Variants in ZNF121 observed in about 807,000 individuals in gnomAD.
ZNF121 encodes zinc finger protein 121 (clone ZHC32).
Under a neutral mutation model 2.4 loss-of-function variants are expected in ZNF121, and 1 was observed. The observed-to-expected ratio is 0.41, with a 90% CI of 0.15 to 1.94. The LOEUF (loss-of-function observed/expected upper bound fraction) is 1.94, where lower values mean the gene tolerates loss of function less well. Ranked by LOEUF, ZNF121 falls within the 30% of genes most tolerant of loss-of-function variation. The probability of loss-of-function intolerance (pLI) is 0.30; values close to 1 mark genes in which losing one functional copy is unlikely to be tolerated. For missense variants in ZNF121, 369 were observed against 466.3 expected, an observed-to-expected ratio of 0.79 and a Z score of 1.92; for synonymous variants, 173 against 158.6, an observed-to-expected ratio of 1.09 and a Z score of -0.68.
intron 1 of ZNF121, among the ~76,000 whole-genome samples, chr19:9,574,356 G>T (rs1047640757): frequency 6.6e-6 from 1 of 151,784 alleles, no homozygotes; most frequent in Non-Finnish European, 1.5e-5. Flanking sequence ...GGTTTTCATC[G>T]TGTTAGTCAG....
intron 1 of ZNF121, among the ~76,000 whole-genome samples, chr19:9,582,142 C>G (rs936294295): frequency 6.6e-6 from 1 of 152,074 alleles, no homozygotes; most frequent in South Asian, 2.1e-4. Context: ...CTTGTCTCTA[C>G]TAAAATACAA....
chr19:9,575,596 A>G (rs1000574318), intron 1 of ZNF121, among the ~76,000 whole-genome samples: 4 of 152,002 alleles, frequency 2.6e-5, no homozygotes, highest in Non-Finnish European at 5.9e-5. Context: ...TACAAAAATT[A>G]GCCGGGTGTG....
intron 1 of ZNF121, among the ~76,000 whole-genome samples, chr19:9,583,420 G>A (rs2074262358): frequency 6.7e-6 from 1 of 149,014 alleles, no homozygotes; most frequent in Admixed American, 6.7e-5. Flanking sequence ...CGGCCTCTCA[G>A]GTTCAAGCAA....
At chr19:9,581,501 C>G (rs936565328) in intron 1 of ZNF121, among the ~76,000 whole-genome samples, 5 of 151,972 alleles carry the variant, frequency 3.3e-5, no homozygotes, top group African/African-American at 9.7e-5. Flanking sequence ...ACTGATAACG[C>G]TTTGTACTGT....
chr19:9,574,144 A>G (rs573272511), intron 1 of ZNF121, among the ~76,000 whole-genome samples: 1 of 151,402 alleles, frequency 6.6e-6, no homozygotes, highest in East Asian at 1.9e-4. Flanking sequence ...GGCCATTTTA[A>G]TTTATTTATA....
At position 9,562,886 on chromosome 19, in the gene ZNF121, TAAAAAAAAAAA is replaced by T. The variant is rs56681222; in HGVS notation, c.*3043_*3053del. 9 of 97,392 alleles carry T rather than the reference TAAAAAAAAAAA, an allele frequency of 9.2e-5. No individual in the cohort carries two copies. The East Asian group carries it at 1.5e-3, about 16-fold the overall frequency. 6.0% of individuals were successfully genotyped at this position (97,392 alleles called of 1,614,324 possible). ...GGTAAACAGTAAAGTCCTGCCTCTTTAAAAAAAAAAAAAAAAAAAAAAAAAAATTAGCTGGC... is the reference window on the plus strand; with the variant it reads ...GGTAAACAGTAAAGTCCTGCCTCTTTAAAAAAAAAAAAAAAATTAGCTGGC... On this transcript the variant is annotated 3_prime_UTR_variant, in exon 4 of 4. Transcript: ENST00000320451.
At chr19:9,580,448 A>G (rs2074240803) in intron 1 of ZNF121, among the ~76,000 whole-genome samples, 2 of 151,784 alleles carry the variant, frequency 1.3e-5, no homozygotes, top group Non-Finnish European at 2.9e-5. Context: ...TGATTATGCC[A>G]TTGCCCTCCA....
intron 1 of ZNF121, among the ~76,000 whole-genome samples, chr19:9,572,014 G>C (rs150922655): frequency 1.3e-5 from 2 of 152,012 alleles, no homozygotes; most frequent in Non-Finnish European, 2.9e-5. Context: ...ATCCTCCCAC[G>C]TCAGCCTCCC....
chr19:9,574,274 T>C (rs1192464788), intron 1 of ZNF121, among the ~76,000 whole-genome samples: 2 of 152,220 alleles, frequency 1.3e-5, no homozygotes, highest in East Asian at 3.9e-4. Flanking sequence ...GCCTCCCTAG[T>C]ACCTGGGATT....
At chr19:9,581,753 A>G (rs1332947437) in intron 1 of ZNF121, among the ~76,000 whole-genome samples, 2 of 152,224 alleles carry the variant, frequency 1.3e-5, no homozygotes, top group African/African-American at 4.8e-5. Flanking sequence ...CTTAAACCCA[A>G]AAACATCCAA....
intron 1 of ZNF121, among the ~76,000 whole-genome samples, chr19:9,574,027 C>CTT (rs60923401): frequency 2.9e-5 from 4 of 139,916 alleles, no homozygotes; most frequent in Non-Finnish European, 4.7e-5. Context: ...TTCTTTCTTT[C>CTT]TTTTTTTTTT....
intron 1 of ZNF121, among the ~76,000 whole-genome samples, chr19:9,578,482 T>C (rs538170955): frequency 6.6e-5 from 10 of 151,670 alleles, no homozygotes; most frequent in Non-Finnish European, 1.2e-4. Flanking sequence ...CAAATCAGCA[T>C]GGTACTGACA....
At chr19:9,574,971 T>C (rs1008943385) in intron 1 of ZNF121, among the ~76,000 whole-genome samples, 74 of 152,236 alleles carry the variant, frequency 4.9e-4, no homozygotes, top group African/African-American at 1.8e-3. Context: ...CTTTACTTTT[T>C]ACAACCAAGT....
rs1443773437 is a variant in ZNF121 at position 9,563,709 on chromosome 19, G to A, written c.*2231C>T. ...CAAAGCACTGGAATTACAGGTGTAA[G>A]CCACTTTTCCCAGCCTGGGCTGGCT... is the stretch of plus-strand genomic sequence containing the variant. On this transcript the variant is annotated 3_prime_UTR_variant, in exon 4 of 4. Transcript: ENST00000320451. 6.6e-6 allele frequency: 1 copy of A among 152,242 alleles called. No homozygotes were observed. Among genetic ancestry groups the A allele is most frequent in the Non-Finnish European group, 1.5e-5 (1 of 68,048 alleles). The allele number at this position is 152,242 out of a possible 1,614,324, so 9.4% of individuals were successfully genotyped here.
At position 9,562,471 on chromosome 19, in the gene ZNF121, G is replaced by T; in HGVS notation, c.*3469C>A. ...GAGCCACCGTGCCCGGCTGCTCTGT[G>T]ATCTTTGATGTTCCTATTTTAATTG... On this transcript the variant is annotated 3_prime_UTR_variant, in exon 4 of 4. Transcript: ENST00000320451. 1 of 229,398 alleles carries T rather than the reference G, an allele frequency of 4.4e-6. No homozygotes were observed. The highest frequency in any genetic ancestry group is 9.7e-6 in the Non-Finnish European group (1 of 103,596). 14.2% of individuals were successfully genotyped at this position (229,398 alleles called of 1,614,324 possible). A position where few individuals can be genotyped will look rare whatever the true frequency, so the allele number is the denominator to read the frequency against.
Position 9,565,863 on chromosome 19 carries a change from T to C in ZNF121, c.*77A>G. The C allele has an allele frequency of 8.5e-7, 1 of 1,179,740 alleles. No homozygotes were observed. The highest frequency in any genetic ancestry group is 1.2e-6 in the Non-Finnish European group (1 of 856,206). 73.1% of individuals were successfully genotyped at this position (1,179,740 alleles called of 1,614,324 possible). A position where few individuals can be genotyped will look rare whatever the true frequency, so the allele number is the denominator to read the frequency against. ...TTGTACCAATAAAATTTCTCTTCAG[T>C]GTGAATTCAAATGTGGTAATTATGG... is the stretch of plus-strand genomic sequence containing the variant. On this transcript the variant is annotated 3_prime_UTR_variant, in exon 4 of 4. Coordinates refer to ENST00000320451, the MANE Select transcript of ZNF121 (RefSeq NM_001008727.5).
Position 9,562,929 on chromosome 19 carries a change from G to C in ZNF121, c.*3011C>G, listed in dbSNP as rs903536893. ...AAAAAAAAAATTAGCTGGCCATGGTGGTGCACACCTGCAGTCTTTAGCTAC... is the reference window on the plus strand; with the variant it reads ...AAAAAAAAAATTAGCTGGCCATGGTCGTGCACACCTGCAGTCTTTAGCTAC... On this transcript the variant is annotated 3_prime_UTR_variant, in exon 4 of 4. Transcript: ENST00000320451. 6.7e-6 allele frequency: 1 copy of C among 149,184 alleles called. No homozygotes were observed. The allele number at this position is 149,184 out of a possible 1,614,324, so 9.2% of individuals were successfully genotyped here.
At chr19:9,582,666 T>C (rs1393151066) in intron 1 of ZNF121, among the ~76,000 whole-genome samples, 1 of 151,626 alleles carries the variant, frequency 6.6e-6, no homozygotes, top group African/African-American at 2.4e-5. Flanking sequence ...GGAGAATTAC[T>C]TGAACCTGGG....
At chr19:9,579,741 G>C (rs2074235969) in intron 1 of ZNF121, among the ~76,000 whole-genome samples, 1 of 152,188 alleles carries the variant, frequency 6.6e-6, no homozygotes, top group Non-Finnish European at 1.5e-5. Flanking sequence ...CAATAGATCA[G>C]TAGGGTGACT....
Sources: allele counts gnomAD v4.1 joint callset (sites outside exome capture counted in the v4.1 genomes callset), GRCh38; gene constraint gnomAD v4.1.1; transcripts MANE v1.5; gene names NCBI Gene and HGNC (gene_info 2026-07-23, HGNC 2026-07-21).